Variants in DOCK6 observed in about 807,000 individuals in gnomAD.
DOCK6 encodes the protein dedicator of cytokinesis protein 6.
In DOCK6, 167 loss-of-function variants were observed where a neutral mutation model predicts 230.3. That is an observed-to-expected ratio of 0.73 (90% CI 0.64 to 0.82). The LOEUF (loss-of-function observed/expected upper bound fraction) is 0.82. Among genes scored for constraint, DOCK6 ranks in the 40% least tolerant of loss-of-function variants. DOCK6 has a pLI of 0.00. For missense variants in DOCK6, 2,598 were observed against 2,825.8 expected (o/e 0.92, Z 1.83); for synonymous variants, 1,148 against 1,185.0 (o/e 0.97, Z 0.64).
At chr19:11,219,400 G>A (rs1032049043) in intron 28 of DOCK6, among the ~76,000 whole-genome samples, 10 of 148,732 alleles carry the variant, frequency 6.7e-5, no homozygotes, top group Non-Finnish European at 1.3e-4. Context: ...ATGTTGGTCA[G>A]GCTGGTCTCA....
In DOCK6 at chr19:11,230,356, G is replaced by C. The variant is rs191881422; in HGVS notation, c.2719-1321C>G. 7.2e-4 allele frequency among the ~76,000 whole-genome samples: 109 copies of C among 152,262 alleles called. 2 individuals are homozygous for C. Among genetic ancestry groups the C allele is most frequent in the Admixed American group, 7.0e-3 (107 of 15,292 alleles). ...CTCCGTCTCAAAAAAAAAAGAACGT[G>C]ATGGAGGAGGTGAGAATAACAATGA... On this transcript the variant is annotated intron_variant, in intron 22 of 47. Transcript: ENST00000294618.
Position 11,248,152 on chromosome 19 carries a change from C to T in DOCK6, c.721-1G>A, listed in dbSNP as rs1308585644. The T allele has an allele frequency of 2.5e-6, 4 of 1,602,508 alleles. No individual in the cohort carries two copies. Among genetic ancestry groups the T allele is most frequent in the African/African-American group, 2.7e-5 (2 of 74,742 alleles). On this transcript the variant is annotated splice_acceptor_variant, in intron 6 of 47. Coordinates refer to ENST00000294618, the MANE Select transcript of DOCK6 (RefSeq NM_020812.4). LOFTEE classifies it high-confidence loss of function. ...GGCTACAGCGTTCCACGGCTTCATCCTGCCAAGAGTGGGGGGTGGGAGCTG... is the reference window on the plus strand; with the variant it reads ...GGCTACAGCGTTCCACGGCTTCATCTTGCCAAGAGTGGGGGGTGGGAGCTG...
chr19:11,208,695 G>A lies in DOCK6; in HGVS notation c.5079C>T (p.Tyr1693=). ...LVGLLEQAAG[Y]FTMGGLYEAV... is the part of the protein sequence containing the mutation. ...GTCCCCAAGGCCTCACCATGGTGAA[G>A]TAGCCGGCTGCCTGTTCCAGCAACC... is the stretch of plus-strand genomic sequence containing the variant. Residue 1693 remains tyrosine, a synonymous_variant, in exon 39 of 48, where the codon TAC becomes TAT. Transcript: ENST00000294618. 1 of 1,611,200 alleles carries A rather than the reference G, an allele frequency of 6.2e-7. No homozygotes were observed.
Position 11,252,634 on chromosome 19 carries a change from C to T in DOCK6, c.309-84G>A. 1.9e-6 allele frequency: 3 copies of T among 1,599,748 alleles called. No individual in the cohort carries two copies. In the South Asian group the frequency reaches 3.3e-5, roughly 18 times the overall value. On this transcript the variant is annotated intron_variant, in intron 3 of 47. Transcript: ENST00000294618. ...GCCTGTAAGGTTAGCACTGTCCTGC[C>T]TATTCCAGACAAGGGGAGATGGAGG... is the stretch of plus-strand genomic sequence containing the variant.
chr19:11,240,161 G>A, intron 14 of DOCK6: 2 of 1,552,106 alleles, frequency 1.3e-6, no homozygotes, highest in Non-Finnish European at 1.7e-6. Context: ...TGCAGCTGCA[G>A]GCAGAGGCCA....
chr19:11,200,206 ATGT>A lies in DOCK6; in HGVS notation c.6101+99_6101+101del. The stretch of plus-strand genomic sequence containing the variant: ...AACAAAGTCCAAGCTACCAGCAAAC[ATGT>A]TGCTGTGTATGTGTACAACAGCCCC... On this transcript the variant is annotated intron_variant, in intron 47 of 47. Coordinates refer to ENST00000294618, the MANE Select transcript of DOCK6 (RefSeq NM_020812.4). The surrounding 1 kb of genome is among the most constrained non-coding windows in gnomAD (Gnocchi z 4.3). 1 of 1,236,240 alleles carries A rather than the reference ATGT, an allele frequency of 8.1e-7. No individual in the cohort carries two copies. Among genetic ancestry groups the A allele is most frequent in the Non-Finnish European group, 1.1e-6 (1 of 914,046 alleles). The allele number at this position is 1,236,240 out of a possible 1,614,324, so 76.6% of individuals were successfully genotyped here.
At chr19:11,225,296 C>A (rs2079646959) in intron 24 of DOCK6, among the ~76,000 whole-genome samples, 1 of 152,168 alleles carries the variant, frequency 6.6e-6, no homozygotes, top group Admixed American at 6.5e-5. Context: ...GTTTCCTCAC[C>A]ATCTGGATCA....
At chr19:11,237,206 C>G (rs1298554792) in intron 18 of DOCK6, 1 of 596,160 alleles carries the variant, frequency 1.7e-6, no homozygotes, top group African/African-American at 1.9e-5. Flanking sequence ...ACTACGAGGG[C>G]AGGGGACAGT....
intron 37 of DOCK6, among the ~76,000 whole-genome samples, chr19:11,211,232 TCA>T (rs2079379095): frequency 6.6e-6 from 1 of 151,256 alleles, no homozygotes; most frequent in Admixed American, 6.6e-5. Context: ...TCACCTGAAC[TCA>T]CTATTTCCCC....
Position 11,202,495 on chromosome 19 carries a change from G to A in DOCK6, c.5362-12C>T, listed in dbSNP as rs370394249. 6.0e-5 allele frequency: 97 copies of A among 1,612,410 alleles called. No homozygotes were observed. Among genetic ancestry groups the A allele is most frequent in the Non-Finnish European group, 8.0e-5 (94 of 1,179,194 alleles). On this transcript the variant is annotated splice_polypyrimidine_tract_variant and intron_variant, in intron 42 of 47. Transcript: ENST00000294618. The surrounding 1 kb of genome is among the most constrained non-coding windows in gnomAD (Gnocchi z 5.3). ...TCCGTGTAGAACTCCTGGAGACACA[G>A]GGCTGACTCGGGGCCACCCAGGGAC...
rs375036412 is a variant in DOCK6, at chr19:11,212,125, G to T, written c.4518C>A (p.Val1506=). ...GHNFARVKMQ[V]TMSLSSLVGT... is the part of the protein sequence containing the mutation. ...CCACCAGGGACGAGAGAGACATGGTGACCTGCATCTTCACACGGGCAAAGT... is the reference window on the plus strand; with the variant it reads ...CCACCAGGGACGAGAGAGACATGGTTACCTGCATCTTCACACGGGCAAAGT... The change falls in exon 36 of 48, where the codon GTC becomes GTA. Residue 1506 remains valine (V), a synonymous_variant. Transcript: ENST00000294618. 1.2e-6 allele frequency: 2 copies of T among 1,611,162 alleles called. No individual in the cohort carries two copies. Among genetic ancestry groups the T allele is most frequent in the South Asian group, 2.2e-5 (2 of 90,956 alleles).
At chr19:11,212,565 CTTT>C (rs111849239) in intron 35 of DOCK6, among the ~76,000 whole-genome samples, 1 of 31,490 alleles carries the variant, frequency 3.2e-5, no homozygotes, top group Non-Finnish European at 1.3e-4. Context: ...TTCTTTCTTT[CTTT>C]TTTTTTTTTT....
chr19:11,252,092 A>G, intron 5 of DOCK6, 27 bp downstream of exon 5: 1 of 1,579,036 alleles, frequency 6.3e-7, no homozygotes, highest in Non-Finnish European at 8.6e-7. Context: ...ATACCCCTTC[A>G]GTGACCCCAG....
At position 11,215,794 on chromosome 19, in the gene DOCK6, C is replaced by T; in HGVS notation, c.4021+7G>A. On this transcript the variant is annotated splice_region_variant and intron_variant, in intron 31 of 47. Transcript: ENST00000294618. ...GATGGGGACACGTGGGTATGTCACC[C>T]TCTTACCACGACTTCGCCGAACCAT... The T allele has an allele frequency of 6.2e-7, 1 of 1,613,976 alleles. No homozygotes were observed. Among genetic ancestry groups the T allele is most frequent in the Non-Finnish European group, 8.5e-7 (1 of 1,179,874 alleles).
chr19:11,252,139 T>C lies in DOCK6; in HGVS notation c.487A>G (p.Arg163Gly). 6.3e-7 allele frequency: 1 copy of C among 1,589,062 alleles called. No individual in the cohort carries two copies. The highest frequency in any genetic ancestry group is 1.2e-5 in the South Asian group (1 of 86,888). Reference protein sequence around the residue: ...VFEQDASGDERSGPEDSNDSR... With the variant: ...VFEQDASGDEGSGPEDSNDSR... Reference sequence around the variant, plus strand: ...CTCACCGAGTCCTCAGGGCCGGACCTCTCGTCTCCAGAAGCATCCTGCTCA... The same window carrying C: ...CTCACCGAGTCCTCAGGGCCGGACCCCTCGTCTCCAGAAGCATCCTGCTCA... Residue 163 changes from arginine to glycine, a missense_variant, in exon 5 of 48, where the codon AGG becomes GGG. Transcript: ENST00000294618.
intron 14 of DOCK6, among the ~76,000 whole-genome samples, chr19:11,240,966 C>T (rs972317592): frequency 6.6e-6 from 1 of 151,116 alleles, no homozygotes; most frequent in South Asian, 2.1e-4. Context: ...ATATGATGGC[C>T]GGGCATGGTG....
Position 11,199,488 on chromosome 19 carries a change from C to T in DOCK6, c.*9G>A. 3 of 1,578,956 alleles carry T rather than the reference C, an allele frequency of 1.9e-6. No homozygotes were observed. The highest frequency in any genetic ancestry group is 1.7e-6 in the Non-Finnish European group (2 of 1,162,336). On this transcript the variant is annotated 3_prime_UTR_variant, in exon 48 of 48. Coordinates refer to ENST00000294618, the MANE Select transcript of DOCK6 (RefSeq NM_020812.4). ...GGTTCCTCTAGGTACAGCTTTGGTC[C>T]TTGTGGGCTCAGAGGTCTGCCTTTC...
At position 11,213,269 on chromosome 19, in the gene DOCK6, G is replaced by A. The variant is rs1407865519; in HGVS notation, c.4398C>T (p.Leu1466=). The part of the protein sequence containing the change: ...TELCADLCLR[L]LRHCGSRIST... ...TGATGCGGCTGCCACAGTGTCGTAG[G>A]AGCCTCAGGCACAGGTCGGCACACA... Residue 1466 remains leucine, a synonymous_variant, in exon 35 of 48, where the codon CTC becomes CTT. Transcript: ENST00000294618. The A allele has an allele frequency of 6.2e-7, 1 of 1,613,086 alleles. No homozygotes were observed. The highest frequency in any genetic ancestry group is 2.2e-5 in the East Asian group (1 of 44,890).
chr19:11,219,220 G>A (rs1427502331), intron 28 of DOCK6, among the ~76,000 whole-genome samples: 1 of 104,536 alleles, frequency 9.6e-6, no homozygotes, highest in Non-Finnish European at 1.7e-5. Flanking sequence ...GTCTTGCTCT[G>A]TTGCCTAGGC....
Sources: gnomAD v4.1 joint callset for allele counts (sites outside exome capture counted in the v4.1 genomes callset) on GRCh38, gnomAD v4.1.1 for gene constraint, Gnocchi (gnomAD v3.1) non-coding constraint, MANE v1.5 for transcripts, NCBI Gene and HGNC (gene_info 2026-07-23, HGNC 2026-07-21) for gene names.